LOXHD1: variants seen among roughly 807,000 people sequenced by gnomAD.
LOXHD1 encodes lipoxygenase homology domain-containing protein 1.
LOXHD1 carries 205 observed loss-of-function variants against 248.2 expected under a neutral mutation model. The ratio of observed to expected loss-of-function variants is 0.83; its 90% confidence interval spans 0.74 to 0.93. LOXHD1 has a LOEUF of 0.93. Ranked by LOEUF, LOXHD1 falls within the 40% of genes least tolerant of loss-of-function variation. The probability of loss-of-function intolerance (pLI) is 0.00; values close to 1 mark genes in which losing one functional copy is unlikely to be tolerated. For synonymous variants in LOXHD1, 1,113 were observed against 1,162.8 expected, an observed-to-expected ratio of 0.96 and a Z score of 0.87; for missense variants, 2,930 against 2,971.6, an observed-to-expected ratio of 0.99 and a Z score of 0.33.
chr18:46,554,199 C>T (rs1004726396), intron 21 of LOXHD1, among the ~76,000 whole-genome samples: 4 of 152,230 alleles, frequency 2.6e-5, no homozygotes, highest in Admixed American at 2.6e-4. Flanking sequence ...GGGATGAGGT[C>T]AGACTCATGC....
intron 13 of LOXHD1, among the ~76,000 whole-genome samples, chr18:46,578,836 C>G (rs182138858): frequency 6.6e-6 from 1 of 152,364 alleles, no homozygotes; most frequent in Non-Finnish European, 1.5e-5. Flanking sequence ...ATGCTCACAA[C>G]AGCCCACCAC....
chr18:46,628,591 T>C (rs567704256), intron 4 of LOXHD1, among the ~76,000 whole-genome samples: 1 of 152,306 alleles, frequency 6.6e-6, no homozygotes, highest in Admixed American at 6.5e-5. Flanking sequence ...TGAACCTGCC[T>C]GGATTCCAGA....
chr18:46,620,912 T>G (rs1449675011), intron 4 of LOXHD1, among the ~76,000 whole-genome samples: 1 of 152,050 alleles, frequency 6.6e-6, no homozygotes, highest in African/African-American at 2.4e-5. Flanking sequence ...ACACACAGCA[T>G]CCATGCTCTG....
At chr18:46,580,535 T>C (rs974388188) in intron 12 of LOXHD1, among the ~76,000 whole-genome samples, 4 of 152,222 alleles carry the variant, frequency 2.6e-5, no homozygotes, top group Non-Finnish European at 2.9e-5. Context: ...AAGTAAAATG[T>C]ACCCATTCAC....
rs1393378453 is a variant in LOXHD1, at chr18:46,560,495, C to T, written c.2649G>A (p.Thr883=). 10 of 1,538,034 alleles carry T rather than the reference C, an allele frequency of 6.5e-6. No homozygotes were observed. In the East Asian group the frequency reaches 1.5e-4, roughly 23 times the overall value. ...ACCAGCTGGGCCCAAAGCCCTCGCC[C>T]GTGTGCCCGAGCCGGAGCTTATAGA... ...GEVYKLRLGH[T]GEGFGPSWFV... Residue 883 remains threonine, a synonymous_variant, in exon 19 of 41, where the codon ACG becomes ACA. Transcript: ENST00000642948.
chr18:46,588,236 A>G (rs898988183), intron 12 of LOXHD1, among the ~76,000 whole-genome samples: 3 of 152,110 alleles, frequency 2.0e-5, no homozygotes, highest in African/African-American at 7.2e-5. Flanking sequence ...TTTGTGGGCC[A>G]TAAAGAGCAG....
chr18:46,639,153 G>A (rs2038930673), intron 4 of LOXHD1, among the ~76,000 whole-genome samples: 1 of 152,212 alleles, frequency 6.6e-6, no homozygotes, highest in African/African-American at 2.4e-5. Context: ...AAAATCAGGA[G>A]GAGTCAGAGG....
chr18:46,535,576 CTGTTTT>C (rs145284407), intron 26 of LOXHD1, among the ~76,000 whole-genome samples: 18,790 of 135,632 alleles, frequency 0.14, 1,233 homozygotes, highest in South Asian at 0.24. Context: ...ATGGCTGCCT[CTGTTTT>C]TGTTGTTGTT....
At chr18:46,476,961 T>C, downstream of LOXHD1, 1 of 575,514 alleles carries the variant, frequency 1.7e-6, no homozygotes. Context: ...CACTTCTTCC[T>C]GAGGTTTTTC....
intron 38 of LOXHD1, among the ~76,000 whole-genome samples, chr18:46,487,629 A>G (rs2033156145): frequency 6.6e-6 from 1 of 152,216 alleles, no homozygotes; most frequent in Non-Finnish European, 1.5e-5. Context: ...GGATCTGTGT[A>G]TGGAACTTAA....
Position 46,520,990 on chromosome 18 carries a change from C to T in LOXHD1, c.5271+107G>A, listed in dbSNP as rs938392497. The T allele has an allele frequency of 2.0e-5, 27 of 1,327,746 alleles. No homozygotes were observed. The African/African-American group carries it at 3.6e-4, about 18-fold the overall frequency. 82.2% of individuals were successfully genotyped at this position (1,327,746 alleles called of 1,614,324 possible). A position where few individuals can be genotyped will look rare whatever the true frequency, so the allele number is the denominator to read the frequency against. ...ACCAGGCTGCAGCGCCTGCGGATGC[C>T]CCAGTGATGAGTCTCCTACTTCTTC... On this transcript the variant is annotated intron_variant, in intron 33 of 40. Transcript: ENST00000642948.
intron 24 of LOXHD1, 29 bp downstream of exon 24, chr18:46,542,698 G>C: frequency 1.9e-6 from 3 of 1,551,094 alleles, no homozygotes; most frequent in East Asian, 2.4e-5. Context: ...TAAAGTCTTA[G>C]CAAGGAACAG....
intron 12 of LOXHD1, among the ~76,000 whole-genome samples, chr18:46,581,040 A>G (rs946761649): frequency 1.3e-5 from 2 of 152,164 alleles, no homozygotes; most frequent in African/African-American, 4.8e-5. Flanking sequence ...TGTACAGTGG[A>G]AAGCCATTGG....
At chr18:46,646,173 G>C (rs140079070) in intron 2 of LOXHD1, among the ~76,000 whole-genome samples, 29 of 152,314 alleles carry the variant, frequency 1.9e-4, no homozygotes, top group Non-Finnish European at 4.0e-4. Flanking sequence ...GTGTGGAGGG[G>C]ATGGGAGGGC....
chr18:46,531,071 C>A (rs1259063134), intron 28 of LOXHD1, among the ~76,000 whole-genome samples: 1 of 152,052 alleles, frequency 6.6e-6, no homozygotes, highest in Non-Finnish European at 1.5e-5. Context: ...AACCCCTGTC[C>A]CTTTTGCAAA....
At chr18:46,634,544 C>G in intron 4 of LOXHD1, among the ~76,000 whole-genome samples, 1 of 152,194 alleles carries the variant, frequency 6.6e-6, no homozygotes, top group Non-Finnish European at 1.5e-5. Context: ...ATAAAATTAT[C>G]TTTGGGCTAC....
chr18:46,558,930 G>T, intron 20 of LOXHD1: 3 of 384,836 alleles, frequency 7.8e-6, no homozygotes, highest in Non-Finnish European at 1.6e-5. Context: ...ATCCACTGGG[G>T]CTTAGCACCG....
At chr18:46,512,415 C>G (rs2035020678) in intron 34 of LOXHD1, among the ~76,000 whole-genome samples, 1 of 152,106 alleles carries the variant, frequency 6.6e-6, no homozygotes, top group African/African-American at 2.4e-5. Flanking sequence ...CCTAGACACC[C>G]CCATTTCTTC....
intron 16 of LOXHD1, among the ~76,000 whole-genome samples, chr18:46,568,728 C>G (rs1006276450): frequency 6.6e-6 from 1 of 152,228 alleles, no homozygotes; most frequent in Non-Finnish European, 1.5e-5. Context: ...TTACCCTCCC[C>G]TTATTCCCTC....
Sources: allele counts gnomAD v4.1 joint callset (sites outside exome capture counted in the v4.1 genomes callset), GRCh38; gene constraint gnomAD v4.1.1; transcripts MANE v1.5; gene names NCBI Gene and HGNC (gene_info 2026-07-23, HGNC 2026-07-21).